The following TRPS1 variants were observed in gnomAD, a reference collection of about 807,000 sequenced individuals.
TRPS1 encodes zinc finger transcription factor Trps1.
TRPS1 carries 6 observed loss-of-function variants against 101.2 expected under a neutral mutation model. The ratio of observed to expected loss-of-function variants is 0.06; its 90% CI spans 0.03 to 0.12. TRPS1 has a LOEUF of 0.12. TRPS1 is among the 10% of genes least tolerant of loss of function. TRPS1 has a pLI of 1.00. For missense variants in TRPS1, 1,363 were observed against 1,567.0 expected (o/e 0.87, Z 2.20); for synonymous variants, 578 against 589.8 (o/e 0.98, Z 0.29).
intron 4 of TRPS1, among the ~76,000 whole-genome samples, chr8:115,594,633 C>A (rs1431382310): frequency 1.3e-5 from 2 of 151,782 alleles, no homozygotes; most frequent in Admixed American, 1.3e-4. Flanking sequence ...TTCTTATCTA[C>A]TTTATAGAAT....
intron 2 of TRPS1, among the ~76,000 whole-genome samples, chr8:115,622,434 G>A (rs1416661459): frequency 6.6e-6 from 1 of 152,050 alleles, no homozygotes; most frequent in Non-Finnish European, 1.5e-5. Flanking sequence ...AAAATATAAG[G>A]TTGAGCAAAA....
At chr8:115,527,606 G>A (rs1816030251) in intron 5 of TRPS1, among the ~76,000 whole-genome samples, 1 of 151,918 alleles carries the variant, frequency 6.6e-6, no homozygotes, top group South Asian at 2.1e-4. Flanking sequence ...GCACTAATGG[G>A]CAATTTATAA....
In TRPS1 at chr8:115,636,485, GCTCT is replaced by G. The variant is rs1255531325; in HGVS notation, c.-121-12731_-121-12728del. 5.3e-5 allele frequency among the ~76,000 whole-genome samples: 8 copies of G among 152,070 alleles called. No individual in the cohort carries two copies. The South Asian group carries it at 1.5e-3, about 28-fold the overall frequency. ...ATTTAAATTCGAAGAGAAAATTATT[GCTCT>G]CTAAGAAGCAATAATCTACCTTTGT... On this transcript the variant is annotated intron_variant, in intron 1 of 6. Coordinates refer to ENST00000395715, the MANE Select transcript of TRPS1 (RefSeq NM_014112.5).
intron 3 of TRPS1, among the ~76,000 whole-genome samples, chr8:115,612,990 T>A (rs1426763789): frequency 6.6e-6 from 1 of 152,138 alleles, no homozygotes; most frequent in East Asian, 1.9e-4. Context: ...CCTTAACATG[T>A]AATCTGCATG....
chr8:115,577,175 T>G (rs1428044675), intron 5 of TRPS1, among the ~76,000 whole-genome samples: 5 of 152,154 alleles, frequency 3.3e-5, no homozygotes, highest in African/African-American at 7.2e-5. Context: ...AAAGAGGATG[T>G]CTCAAAAGTC....
At chr8:115,422,961 G>T (rs185980664) in intron 5 of TRPS1, among the ~76,000 whole-genome samples, 58 of 152,278 alleles carry the variant, frequency 3.8e-4, no homozygotes, top group Non-Finnish European at 4.0e-4. Flanking sequence ...GCATTCCTGA[G>T]GGGCATATAT....
chr8:115,560,272 T>C (rs1035336213), intron 5 of TRPS1, among the ~76,000 whole-genome samples: 9 of 152,100 alleles, frequency 5.9e-5, no homozygotes, highest in African/African-American at 2.2e-4. Flanking sequence ...CAGTGATCAA[T>C]ATCAGGCCTG....
chr8:115,467,121 C>G (rs1445195463), intron 5 of TRPS1, among the ~76,000 whole-genome samples: 1 of 151,562 alleles, frequency 6.6e-6, no homozygotes, highest in Admixed American at 6.6e-5. Context: ...TTGTTTCTCA[C>G]AAAAATCATT....
At chr8:115,531,689 T>C (rs991186387) in intron 5 of TRPS1, among the ~76,000 whole-genome samples, 2 of 151,924 alleles carry the variant, frequency 1.3e-5, no homozygotes, top group African/African-American at 4.8e-5. Flanking sequence ...AAATAAAATA[T>C]TACTTACAAA....
intron 5 of TRPS1, among the ~76,000 whole-genome samples, chr8:115,547,688 C>A (rs568776653): frequency 2.2e-4 from 33 of 152,256 alleles, no homozygotes; most frequent in Admixed American, 2.0e-3. Context: ...CCTTGAGCTA[C>A]CCTCATCCCG....
chr8:115,491,717 G>A (rs1586327786), intron 5 of TRPS1, among the ~76,000 whole-genome samples: 1 of 152,088 alleles, frequency 6.6e-6, no homozygotes, highest in South Asian at 2.1e-4. Context: ...GAGAAAGCAA[G>A]CAAGCAAGCA....
intron 4 of TRPS1, among the ~76,000 whole-genome samples, chr8:115,598,882 T>C (rs1586442817): frequency 6.6e-6 from 1 of 152,322 alleles, no homozygotes; most frequent in Non-Finnish European, 1.5e-5. Flanking sequence ...CTACAGCTGT[T>C]TTTAAGGATG....
At position 115,418,186 on chromosome 8, in the gene TRPS1, A is replaced by G. The variant is rs529237343; in HGVS notation, c.2823+144T>C. ...CACATCTAAGCCCCCTTCACCATAA[A>G]TCACATGTGCACTCAAAGTGACTGT... On this transcript the variant is annotated intron_variant, in intron 6 of 6. Transcript: ENST00000395715. This position sits in a 1 kb window ranked among gnomAD's most constrained non-coding sequence, Gnocchi z 4.3. 1 of 1,359,348 alleles carries G rather than the reference A, an allele frequency of 7.4e-7. No homozygotes were observed. The highest frequency in any genetic ancestry group is 1.0e-6 in the Non-Finnish European group (1 of 959,950). The allele number at this position is 1,359,348 out of a possible 1,614,324, so 84.2% of individuals were successfully genotyped here.
chr8:115,448,132 A>ACTT (rs1322968535), intron 5 of TRPS1, among the ~76,000 whole-genome samples: 3 of 152,132 alleles, frequency 2.0e-5, no homozygotes, highest in Non-Finnish European at 4.4e-5. Flanking sequence ...CAACAACAAC[A>ACTT]CTTGTGAGTA....
chr8:115,450,817 T>C (rs1310762526), intron 5 of TRPS1, among the ~76,000 whole-genome samples: 1 of 152,228 alleles, frequency 6.6e-6, no homozygotes, highest in African/African-American at 2.4e-5. Flanking sequence ...AGCGTTTTAG[T>C]GTTCACACCT....
At chr8:115,533,436 G>GTTTTTTTTTCTTTTTTTTTTTTTT (rs1816188753) in intron 5 of TRPS1, among the ~76,000 whole-genome samples, 1 of 34,986 alleles carries the variant, frequency 2.9e-5, no homozygotes, top group Non-Finnish European at 5.3e-5. Flanking sequence ...CATGTAATCT[G>GTTTTTTTTTCTTTTTTTTTTTTTT]TTTTTTTTTT....
At chr8:115,616,373 C>A (rs149323000) in intron 3 of TRPS1, among the ~76,000 whole-genome samples, 1 of 152,128 alleles carries the variant, frequency 6.6e-6, no homozygotes, top group Non-Finnish European at 1.5e-5. Context: ...GGGAAATCTT[C>A]GAATTTGTTT....
chr8:115,456,327 T>G lies in TRPS1; in HGVS notation c.2701-37875A>C, dbSNP rs79371879. On this transcript the variant is annotated intron_variant, in intron 5 of 6. Transcript: ENST00000395715. ...TATTTGCTTTAAATTCTCTGGGTGT[T>G]CCCTACTGCTTTGGAATTTTTAGCC... Among the ~76,000 whole-genome samples the G allele has an allele frequency of 7.9e-5, 12 of 152,278 alleles. No individual in the cohort carries two copies. In the East Asian group the frequency reaches 2.3e-3, roughly 29 times the overall value.
intron 1 of TRPS1, among the ~76,000 whole-genome samples, chr8:115,642,134 C>T (rs998832600): frequency 3.3e-5 from 5 of 151,442 alleles, no homozygotes; most frequent in East Asian, 1.9e-4. Flanking sequence ...AGAGCCCTTG[C>T]GCCCAAGAGT....
Sources: gnomAD v4.1 joint callset for allele counts (sites outside exome capture counted in the v4.1 genomes callset) on GRCh38, gnomAD v4.1.1 for gene constraint, Gnocchi (gnomAD v3.1) non-coding constraint, MANE v1.5 for transcripts, NCBI Gene and HGNC (gene_info 2026-07-23, HGNC 2026-07-21) for gene names.